COL25A1: variants seen among roughly 807,000 people sequenced by gnomAD.
The protein encoded by COL25A1 is collagen type XXV alpha 1 chain.
Under a neutral mutation model 128.4 loss-of-function variants are expected in COL25A1, and 103 were observed. The ratio of observed to expected loss-of-function variants is 0.80; its 90% CI spans 0.68 to 0.94. The LOEUF is 0.94. Among genes scored for constraint, COL25A1 ranks in the 40% least tolerant of loss-of-function variants. COL25A1 has a pLI of 0.00. For synonymous variants in COL25A1, 279 were observed against 277.2 expected, an observed-to-expected ratio of 1.01 and a Z score of -0.06; for missense variants, 745 against 840.0, an observed-to-expected ratio of 0.89 and a Z score of 1.40.
intron 5 of COL25A1, among the ~76,000 whole-genome samples, chr4:109,040,754 G>T (rs1394807871): frequency 3.3e-5 from 5 of 152,134 alleles, no homozygotes; most frequent in Non-Finnish European, 7.4e-5. Flanking sequence ...CGGTACACAG[G>T]TGTCCAATCA....
chr4:108,949,125 C>T (rs538591947), intron 8 of COL25A1, among the ~76,000 whole-genome samples: 2 of 152,238 alleles, frequency 1.3e-5, no homozygotes, highest in African/African-American at 4.8e-5. Context: ...AAAAATAAAA[C>T]AGCCTTGCAG....
At chr4:109,025,901 TA>T (rs1189899152) in intron 5 of COL25A1, among the ~76,000 whole-genome samples, 2 of 152,158 alleles carry the variant, frequency 1.3e-5, no homozygotes, top group African/African-American at 4.8e-5. Flanking sequence ...AAACAGCTTC[TA>T]AAAGGGGAAG....
chr4:109,094,857 C>T (rs978662809), intron 3 of COL25A1, among the ~76,000 whole-genome samples: 43 of 152,162 alleles, frequency 2.8e-4, no homozygotes, highest in African/African-American at 9.9e-4. Flanking sequence ...AAAACAGATT[C>T]TTCCAAAACT....
At chr4:109,240,318 G>A (rs186542977) in intron 3 of COL25A1, among the ~76,000 whole-genome samples, 40 of 152,116 alleles carry the variant, frequency 2.6e-4, no homozygotes, top group African/African-American at 9.4e-4. Flanking sequence ...AATGCATTGT[G>A]CCATGACATC....
intron 6 of COL25A1, among the ~76,000 whole-genome samples, chr4:108,981,074 G>A (rs114306423): frequency 0.012 from 1,885 of 152,262 alleles, 41 homozygotes; most frequent in African/African-American, 0.042. Context: ...AACTGAATTT[G>A]GTACCACAGT....
At chr4:108,889,344 C>T in intron 17 of COL25A1, 88 bp from the exon 18 acceptor site, 7 of 1,210,528 alleles carry the variant, frequency 5.8e-6, no homozygotes, top group Middle Eastern at 1.9e-4. Flanking sequence ...ACAGGGATGG[C>T]CTAGCCCCCT....
rs1420421150 is a variant in COL25A1, at chr4:109,076,969, C to A, written c.368-26790G>T. Among the ~76,000 whole-genome samples the A allele has an allele frequency of 2.0e-5, 3 of 152,164 alleles. No homozygotes were observed. The East Asian group carries it at 5.8e-4, about 29-fold the overall frequency. ...TAGGCTTCACTGGCTTGCCTGCCTGCTGCTCACCTCCTTTGCTGTGAGGCC... is the reference window on the plus strand; with the variant it reads ...TAGGCTTCACTGGCTTGCCTGCCTGATGCTCACCTCCTTTGCTGTGAGGCC... On this transcript the variant is annotated intron_variant, in intron 3 of 37. Transcript: ENST00000399132.
At chr4:109,194,860 AT>A (rs1453302334) in intron 3 of COL25A1, among the ~76,000 whole-genome samples, 2 of 152,198 alleles carry the variant, frequency 1.3e-5, no homozygotes, top group Non-Finnish European at 2.9e-5. Flanking sequence ...TTTGGCTAAC[AT>A]TTAGGTATAA....
intron 24 of COL25A1, among the ~76,000 whole-genome samples, chr4:108,855,489 T>C (rs1185846895): frequency 6.6e-6 from 1 of 152,086 alleles, no homozygotes; most frequent in Non-Finnish European, 1.5e-5. Context: ...ATGTTACTTT[T>C]TAACTAGAAA....
chr4:109,143,555 G>A (rs772685081), intron 3 of COL25A1, among the ~76,000 whole-genome samples: 15 of 152,256 alleles, frequency 9.9e-5, no homozygotes, highest in Admixed American at 2.6e-4. Flanking sequence ...TCAAACATAG[G>A]TTTGGTCTTT....
chr4:108,905,291 T>G (rs1743342345), intron 13 of COL25A1, among the ~76,000 whole-genome samples: 1 of 152,108 alleles, frequency 6.6e-6, no homozygotes, highest in Non-Finnish European at 1.5e-5. Flanking sequence ...AATACAATTT[T>G]AAAGATTTAG....
Position 108,896,681 on chromosome 4 carries a change from C to A in COL25A1, c.892G>T (p.Asp298Tyr), listed in dbSNP as rs774519249. 1 of 1,613,804 alleles carries A rather than the reference C, an allele frequency of 6.2e-7. No individual in the cohort carries two copies. The highest frequency in any genetic ancestry group is 8.5e-7 in the Non-Finnish European group (1 of 1,179,954). Residue 298 changes from aspartate to tyrosine, a missense_variant, in exon 16 of 38, where the codon GAC becomes TAC. This residue lies in a region of COL25A1 where 39 missense variants were observed against 73.3 expected (regional missense o/e 0.53). Coordinates refer to ENST00000399132, the MANE Select transcript of COL25A1 (RefSeq NM_198721.4). ...GDAGENGPKG[D>Y]TGEKGDPGSS... Reference sequence around the variant, plus strand: ...CAAAACTGTACCTTTTCGCCTGTGTCACCCTTGGGGCCGTTCTCTCCAGCG... The same window carrying A: ...CAAAACTGTACCTTTTCGCCTGTGTAACCCTTGGGGCCGTTCTCTCCAGCG...
intron 3 of COL25A1, among the ~76,000 whole-genome samples, chr4:109,223,401 C>T (rs183673766): frequency 1.3e-5 from 2 of 151,904 alleles, no homozygotes; most frequent in Admixed American, 1.3e-4. Flanking sequence ...CCACATTTCC[C>T]CCCCCCAAAA....
Position 109,301,903 on chromosome 4 carries a change from G to A in COL25A1, c.117C>T (p.Ala39=), listed in dbSNP as rs1417322310. The part of the protein sequence containing the change: ...RTMPPCAVLA[A]LLSVVAVVSC... Reference sequence around the variant, plus strand: ...ACACCACGGCCACCACTGACAGGAGGGCCGCCAGGACGGCACACGGGGGCA... The same window carrying A: ...ACACCACGGCCACCACTGACAGGAGAGCCGCCAGGACGGCACACGGGGGCA... The change falls in exon 2 of 38, where the codon GCC becomes GCT. Residue 39 remains alanine, a synonymous_variant. Transcript: ENST00000399132. 1.2e-6 allele frequency: 2 copies of A among 1,614,178 alleles called. No homozygotes were observed. The highest frequency in any genetic ancestry group is 4.5e-5 in the East Asian group (2 of 44,868).
intron 3 of COL25A1, among the ~76,000 whole-genome samples, chr4:109,065,766 G>C (rs970291803): frequency 1.3e-5 from 2 of 151,920 alleles, no homozygotes; most frequent in African/African-American, 4.8e-5. Context: ...GACTATCTCT[G>C]GTCATTAGTC....
intron 3 of COL25A1, among the ~76,000 whole-genome samples, chr4:109,236,381 A>C (rs1415791069): frequency 6.6e-6 from 1 of 152,120 alleles, no homozygotes; most frequent in Non-Finnish European, 1.5e-5. Context: ...TTTGCTAGGC[A>C]TCAGAGGCAG....
At chr4:109,037,234 CCTT>C (rs1560578364) in intron 5 of COL25A1, among the ~76,000 whole-genome samples, 1 of 152,206 alleles carries the variant, frequency 6.6e-6, no homozygotes, top group Admixed American at 6.5e-5. Context: ...CAAATACTCT[CCTT>C]CTTTCTCATG....
chr4:109,132,760 A>G (rs1769346055), intron 3 of COL25A1, among the ~76,000 whole-genome samples: 1 of 152,134 alleles, frequency 6.6e-6, no homozygotes, highest in African/African-American at 2.4e-5. Context: ...AAAAGATTGG[A>G]AAGAATAATT....
intron 3 of COL25A1, among the ~76,000 whole-genome samples, chr4:109,253,835 C>A (rs992251056): frequency 5.9e-5 from 9 of 152,130 alleles, no homozygotes; most frequent in Admixed American, 1.3e-4. Context: ...CACCTGTAAT[C>A]CCAGCACTTT....
Sources: allele counts gnomAD v4.1 joint callset (sites outside exome capture counted in the v4.1 genomes callset), GRCh38; gene constraint gnomAD v4.1.1; regional missense constraint gnomAD v4.1.1; transcripts MANE v1.5; gene names NCBI Gene and HGNC (gene_info 2026-07-23, HGNC 2026-07-21).